Variants in MED27 observed in about 807,000 individuals in gnomAD.
MED27 encodes mediator of RNA polymerase II transcription subunit 27.
A neutral mutation model predicts 38.2 loss-of-function variants in MED27; 30 were observed. The ratio of observed to expected loss-of-function variants is 0.79; its 90% CI spans 0.59 to 1.07. MED27 has a LOEUF of 1.07. Ranked by LOEUF, MED27 falls within the 50% of genes least tolerant of loss-of-function variation. MED27 has a pLI of 0.00. For missense variants in MED27, 289 were observed against 397.5 expected (o/e 0.73, Z 2.32); for synonymous variants, 122 against 153.5 (o/e 0.79, Z 1.52).
intron 2 of MED27, among the ~76,000 whole-genome samples, chr9:132,067,191 A>G (rs1282411977): frequency 6.6e-6 from 1 of 152,232 alleles, no homozygotes; most frequent in Non-Finnish European, 1.5e-5. Context: ...CTTGATATAC[A>G]GTTTCCAGTT....
At chr9:131,947,907 G>A (rs1830914726) in intron 3 of MED27, among the ~76,000 whole-genome samples, 1 of 152,182 alleles carries the variant, frequency 6.6e-6, no homozygotes, top group African/African-American at 2.4e-5. Context: ...ATCAAGAAGG[G>A]AATCATTTGC....
intron 2 of MED27, among the ~76,000 whole-genome samples, chr9:132,068,105 G>A (rs1018946969): frequency 1.3e-4 from 20 of 152,286 alleles, no homozygotes; most frequent in African/African-American, 4.6e-4. Flanking sequence ...CAAGCTAGAA[G>A]AACAAGTGGT....
chr9:131,905,323 T>C (rs956074173), intron 4 of MED27, among the ~76,000 whole-genome samples: 1 of 152,216 alleles, frequency 6.6e-6, no homozygotes, highest in African/African-American at 2.4e-5. Context: ...TGAAGAGGAA[T>C]CCTCGACAGC....
chr9:132,068,961 C>A (rs1833870208), intron 2 of MED27, among the ~76,000 whole-genome samples: 1 of 152,212 alleles, frequency 6.6e-6, no homozygotes, highest in Non-Finnish European at 1.5e-5. Flanking sequence ...AGAGAGAAGA[C>A]AAGAAAACGG....
intron 6 of MED27, among the ~76,000 whole-genome samples, chr9:131,865,764 C>T (rs1838727280): frequency 6.6e-6 from 1 of 152,200 alleles, no homozygotes; most frequent in South Asian, 2.1e-4. Context: ...TCTGGCTGCA[C>T]TTTTATTTCT....
At chr9:132,031,448 C>T (rs1166528664) in intron 2 of MED27, among the ~76,000 whole-genome samples, 1 of 152,180 alleles carries the variant, frequency 6.6e-6, no homozygotes, top group African/African-American at 2.4e-5. Context: ...CAGATAACTT[C>T]TAAAACAGCA....
At chr9:132,007,460 T>C (rs1832383701) in intron 3 of MED27, among the ~76,000 whole-genome samples, 1 of 152,224 alleles carries the variant, frequency 6.6e-6, no homozygotes, top group South Asian at 2.1e-4. Context: ...TATTATGTTC[T>C]GCATGACTCC....
intron 3 of MED27, among the ~76,000 whole-genome samples, chr9:131,978,796 T>G (rs1831669171): frequency 6.6e-6 from 1 of 152,232 alleles, no homozygotes; most frequent in Non-Finnish European, 1.5e-5. Context: ...CACACTACTC[T>G]TCAGAACAAC....
chr9:131,999,676 TAAA>T (rs1366918973), intron 3 of MED27, among the ~76,000 whole-genome samples: 1 of 152,106 alleles, frequency 6.6e-6, no homozygotes, highest in Non-Finnish European at 1.5e-5. Flanking sequence ...CAATTACAGA[TAAA>T]GAAGAGCAAG....
Position 131,997,151 on chromosome 9 carries a change from T to C in MED27, c.479+17186A>G, listed in dbSNP as rs1168970346. Reference sequence around the variant, plus strand: ...CTCTGTAAGCCCTTATCTTATCATGTTGAAAGGTTGTACAAATCTGCCGCT... The same window carrying C: ...CTCTGTAAGCCCTTATCTTATCATGCTGAAAGGTTGTACAAATCTGCCGCT... On this transcript the variant is annotated intron_variant, in intron 3 of 7. Coordinates refer to ENST00000292035, the MANE Select transcript of MED27 (RefSeq NM_004269.4). The surrounding 1 kb of genome is among the most constrained non-coding windows in gnomAD (Gnocchi z 4.0). 6.6e-6 allele frequency among the ~76,000 whole-genome samples: 1 copy of C among 152,110 alleles called. No homozygotes were observed. The highest frequency in any genetic ancestry group is 2.4e-5 in the African/African-American group (1 of 41,432).
intron 3 of MED27, among the ~76,000 whole-genome samples, chr9:131,966,383 C>CATAAAAAAAAAAA (rs1554761550): frequency 2.7e-5 from 1 of 36,776 alleles, no homozygotes; most frequent in Non-Finnish European, 4.2e-5. Flanking sequence ...GACCCTGTCA[C>CATAAAAAAAAAAA]AAAAAAAAAA....
intron 2 of MED27, among the ~76,000 whole-genome samples, chr9:132,059,604 G>T (rs1002016544): frequency 6.6e-6 from 1 of 152,176 alleles, no homozygotes; most frequent in African/African-American, 2.4e-5. Context: ...GCTCTGCTGA[G>T]CCGCGACAGT....
intron 3 of MED27, among the ~76,000 whole-genome samples, chr9:131,945,968 T>TAA (rs763561881): frequency 9.6e-5 from 11 of 114,304 alleles, no homozygotes; most frequent in African/African-American, 2.2e-4. Flanking sequence ...CCCTATCTCT[T>TAA]AAAAAAAAAA....
intron 3 of MED27, among the ~76,000 whole-genome samples, chr9:132,009,426 T>C (rs990702850): frequency 6.6e-6 from 1 of 152,218 alleles, no homozygotes. Context: ...CTGTGTGTCT[T>C]CTGAGATTAG....
intron 4 of MED27, among the ~76,000 whole-genome samples, chr9:131,937,318 C>G (rs1359875288): frequency 6.6e-6 from 1 of 152,166 alleles, no homozygotes; most frequent in Non-Finnish European, 1.5e-5. Flanking sequence ...TAAGTAAGCA[C>G]CAGCTTCTGT....
At chr9:132,022,945 C>T (rs879039108) in intron 2 of MED27, among the ~76,000 whole-genome samples, 1 of 152,142 alleles carries the variant, frequency 6.6e-6, no homozygotes, top group Admixed American at 6.5e-5. Context: ...TCCCTCAACA[C>T]CTGGGGATTA....
Position 131,860,687 on chromosome 9 carries a change from G to A in MED27, c.802-15C>T, listed in dbSNP as rs1417736028. On this transcript the variant is annotated splice_polypyrimidine_tract_variant and intron_variant, in intron 7 of 7. Transcript: ENST00000292035. The surrounding 1 kb of genome is among the most constrained non-coding windows in gnomAD (Gnocchi z 5.8). ...CTTAACCAGGTCTAAAAAGAGAAACGAGGAGAGAAGTGAAAGAATGGGATA... is the reference window on the plus strand; with the variant it reads ...CTTAACCAGGTCTAAAAAGAGAAACAAGGAGAGAAGTGAAAGAATGGGATA... 3.1e-6 allele frequency: 5 copies of A among 1,611,870 alleles called. No homozygotes were observed. Among genetic ancestry groups the A allele is most frequent in the Non-Finnish European group, 3.4e-6 (4 of 1,178,980 alleles).
chr9:132,058,403 C>T (rs1240447582), intron 2 of MED27, among the ~76,000 whole-genome samples: 7 of 152,100 alleles, frequency 4.6e-5, no homozygotes, highest in Admixed American at 6.5e-5. Flanking sequence ...ACACTGTTCT[C>T]GTGACAGCGA....
chr9:131,920,914 C>G (rs1424310709), intron 4 of MED27, among the ~76,000 whole-genome samples: 4 of 152,078 alleles, frequency 2.6e-5, no homozygotes, highest in Non-Finnish European at 4.4e-5. Flanking sequence ...CTATAAAAGG[C>G]TCTGGCTTCA....
Sources: allele counts gnomAD v4.1 joint callset (sites outside exome capture counted in the v4.1 genomes callset), GRCh38; gene constraint gnomAD v4.1.1; non-coding constraint Gnocchi (gnomAD v3.1); transcripts MANE v1.5; gene names NCBI Gene and HGNC (gene_info 2026-07-23, HGNC 2026-07-21).